Variants in SH3RF3 observed in about 807,000 individuals in gnomAD.
SH3RF3 encodes the protein SH3 domain containing ring finger 3, also known as E3 ubiquitin-protein ligase SH3RF3.
SH3RF3 carries 29 observed loss-of-function variants against 66.3 expected under a neutral mutation model. The ratio of observed to expected loss-of-function variants is 0.44; its 90% CI spans 0.33 to 0.60. The LOEUF is 0.60. Among genes scored for constraint, SH3RF3 ranks in the 20% least tolerant of loss-of-function variants. The pLI is 0.04. For missense variants in SH3RF3, 1,194 were observed against 1,190.9 expected (o/e 1.00, Z -0.04); for synonymous variants, 583 against 532.0 (o/e 1.10, Z -1.32).
At position 109,293,506 on chromosome 2, in the gene SH3RF3, AG is replaced by A. The variant is rs1681235582; in HGVS notation, c.574-54167del. On this transcript the variant is annotated intron_variant, in intron 1 of 9. Transcript: ENST00000309415. ...CTCTCTCCACTGCCAGTGGTGGGTC[AG>A]CCCCCATGTCAGGCAGTCATCCTCT... 5.3e-5 allele frequency among the ~76,000 whole-genome samples: 8 copies of A among 152,200 alleles called. No homozygotes were observed. The South Asian group carries it at 1.7e-3, about 32-fold the overall frequency.
At chr2:109,227,684 C>T (rs1487718351) in intron 1 of SH3RF3, among the ~76,000 whole-genome samples, 1 of 152,214 alleles carries the variant, frequency 6.6e-6, no homozygotes, top group Non-Finnish European at 1.5e-5. Flanking sequence ...CTGTGCTGTG[C>T]TCCCTGCAGG....
At chr2:109,148,817 G>T (rs567541751) in intron 1 of SH3RF3, among the ~76,000 whole-genome samples, 1 of 150,494 alleles carries the variant, frequency 6.6e-6, no homozygotes, top group Non-Finnish European at 1.5e-5. Flanking sequence ...TCTCAAAAAT[G>T]TGTAGGGACA....
At chr2:109,422,455 AGCATGTGAAAG>A (rs762750932) in intron 5 of SH3RF3, among the ~76,000 whole-genome samples, 1 of 152,188 alleles carries the variant, frequency 6.6e-6, no homozygotes, top group Non-Finnish European at 1.5e-5. Context: ...CCCTTCTTCC[AGCATGTGAAAG>A]GCTTCCCTGG....
intron 1 of SH3RF3, among the ~76,000 whole-genome samples, chr2:109,229,867 C>G (rs1386133883): frequency 6.7e-6 from 1 of 148,782 alleles, no homozygotes; most frequent in Non-Finnish European, 1.5e-5. Flanking sequence ...CTCTGTTGCC[C>G]AGGCTGGAGT....
At chr2:109,490,373 G>A (rs559566977) in intron 8 of SH3RF3, among the ~76,000 whole-genome samples, 21 of 152,318 alleles carry the variant, frequency 1.4e-4, no homozygotes, top group African/African-American at 2.4e-4. Context: ...GCCTGCAAGC[G>A]TCACCTGGCC....
In SH3RF3 at chr2:109,291,340, A is replaced by G. The variant is rs1286497810; in HGVS notation, c.574-56334A>G. ...GGTTGTTTGCTCTTCAGTGTTCTAC[A>G]TGCAGCTGCCTCTATTGCTTTTGGT... On this transcript the variant is annotated intron_variant, in intron 1 of 9. Coordinates refer to ENST00000309415, the MANE Select transcript of SH3RF3 (RefSeq NM_001099289.3). 2.0e-5 allele frequency among the ~76,000 whole-genome samples: 3 copies of G among 148,286 alleles called. No homozygotes were observed. The East Asian group carries it at 6.0e-4, about 29-fold the overall frequency.
At chr2:109,400,137 A>C (rs778958076) in intron 4 of SH3RF3, among the ~76,000 whole-genome samples, 34 of 152,218 alleles carry the variant, frequency 2.2e-4, no homozygotes, top group Non-Finnish European at 4.3e-4. Flanking sequence ...TTGTCTTAAA[A>C]ATTGCTGAGC....
At chr2:109,322,553 G>C (rs72822702) in intron 1 of SH3RF3, among the ~76,000 whole-genome samples, 3,151 of 152,288 alleles carry the variant, frequency 0.021, 55 homozygotes, top group Non-Finnish European at 0.029. Flanking sequence ...GTGTAATAGT[G>C]TGCACTGATT....
chr2:109,303,358 G>A (rs988857978), intron 1 of SH3RF3, among the ~76,000 whole-genome samples: 2 of 152,206 alleles, frequency 1.3e-5, no homozygotes, highest in Non-Finnish European at 2.9e-5. Flanking sequence ...TCAGTTGAAT[G>A]AAGGTGGGCA....
intron 1 of SH3RF3, among the ~76,000 whole-genome samples, chr2:109,209,786 A>G: frequency 6.6e-6 from 1 of 152,210 alleles, no homozygotes; most frequent in Non-Finnish European, 1.5e-5. Flanking sequence ...CTTACTTGGT[A>G]GAATGACAAA....
intron 4 of SH3RF3, among the ~76,000 whole-genome samples, chr2:109,415,784 C>T (rs1488590147): frequency 6.6e-6 from 1 of 152,184 alleles, no homozygotes; most frequent in Non-Finnish European, 1.5e-5. Flanking sequence ...CCTCTAGGCC[C>T]ACCACCCACC....
intron 5 of SH3RF3, among the ~76,000 whole-genome samples, chr2:109,423,746 T>C (rs1676954147): frequency 6.6e-6 from 1 of 152,116 alleles, no homozygotes; most frequent in South Asian, 2.1e-4. Context: ...TGGTCACCCC[T>C]TCCAGGCATG....
intron 1 of SH3RF3, among the ~76,000 whole-genome samples, chr2:109,144,400 A>G (rs972468824): frequency 2.0e-5 from 3 of 152,240 alleles, no homozygotes; most frequent in African/African-American, 7.2e-5. Flanking sequence ...CTCAAGTCAT[A>G]GAACAAGCAG....
At chr2:109,212,606 C>G (rs530370483) in intron 1 of SH3RF3, among the ~76,000 whole-genome samples, 9 of 152,274 alleles carry the variant, frequency 5.9e-5, no homozygotes, top group Non-Finnish European at 1.2e-4. Context: ...TTTGACAGAT[C>G]TTTTGGGTTC....
At chr2:109,213,230 T>G (rs1302571889) in intron 1 of SH3RF3, among the ~76,000 whole-genome samples, 2 of 152,176 alleles carry the variant, frequency 1.3e-5, no homozygotes, top group Non-Finnish European at 2.9e-5. Flanking sequence ...CCAGGGCTGC[T>G]TCTGAGCTCA....
chr2:109,410,655 A>G (rs896844768), intron 4 of SH3RF3, among the ~76,000 whole-genome samples: 2 of 152,246 alleles, frequency 1.3e-5, no homozygotes, highest in Non-Finnish European at 2.9e-5. Flanking sequence ...GGGCCACTGC[A>G]TGTCAGCCAG....
chr2:109,503,345 A>G lies in SH3RF3; in HGVS notation c.*1674A>G, dbSNP rs1270955762. 1.3e-5 allele frequency: 2 copies of G among 152,192 alleles called. No homozygotes were observed. The highest frequency in any genetic ancestry group is 2.9e-5 in the Non-Finnish European group (2 of 68,048). The allele number at this position is 152,192 out of a possible 1,614,324, so 9.4% of individuals were successfully genotyped here. ...TCTTTTGCCTGGCATGAAGACTTTG[A>G]AACACGGGCCGCTTATTTTCAGAGT... On this transcript the variant is annotated 3_prime_UTR_variant, in exon 10 of 10. Transcript: ENST00000309415.
intron 1 of SH3RF3, among the ~76,000 whole-genome samples, chr2:109,257,345 T>G (rs1680244493): frequency 6.9e-6 from 1 of 145,918 alleles, no homozygotes; most frequent in African/African-American, 2.6e-5. Context: ...AAGAAAGGAA[T>G]TGAGGAGGGA....
intron 1 of SH3RF3, among the ~76,000 whole-genome samples, chr2:109,232,980 GT>G (rs1464454151): frequency 6.6e-6 from 1 of 152,128 alleles, no homozygotes; most frequent in Non-Finnish European, 1.5e-5. Context: ...CGATAGGGGT[GT>G]GGCTTGCTTA....
Sources: gnomAD v4.1 joint callset for allele counts (sites outside exome capture counted in the v4.1 genomes callset) on GRCh38, gnomAD v4.1.1 for gene constraint, MANE v1.5 for transcripts, NCBI Gene and HGNC (gene_info 2026-07-23, HGNC 2026-07-21) for gene names.